The following EVL variants were observed in gnomAD, a reference collection of about 807,000 sequenced individuals.
The protein encoded by EVL is ena/VASP-like protein.
Under a neutral mutation model 59.6 loss-of-function variants are expected in EVL, and 21 were observed. That is an observed-to-expected ratio of 0.35 (90% confidence interval 0.25 to 0.51). The LOEUF (loss-of-function observed/expected upper bound fraction) is 0.51. Ranked by LOEUF, EVL falls within the 20% of genes least tolerant of loss-of-function variation. EVL has a pLI of 0.97. For synonymous variants in EVL, 198 were observed against 203.5 expected, an observed-to-expected ratio of 0.97 and a Z score of 0.23; for missense variants, 462 against 546.6, an observed-to-expected ratio of 0.85 and a Z score of 1.54.
At chr14:99,998,169 G>A (rs376728772) in intron 1 of EVL, among the ~76,000 whole-genome samples, 61 of 152,046 alleles carry the variant, frequency 4.0e-4, no homozygotes, top group African/African-American at 1.4e-3. Context: ...ACAGATCTGC[G>A]CCACTATGCC....
At chr14:100,119,387 C>G (rs981360664) in intron 3 of EVL, among the ~76,000 whole-genome samples, 3 of 152,222 alleles carry the variant, frequency 2.0e-5, no homozygotes, top group African/African-American at 7.2e-5. Context: ...AAGCTTGGGA[C>G]ACTGGGGCCA....
intron 2 of EVL, among the ~76,000 whole-genome samples, chr14:100,089,361 A>G (rs924895473): frequency 6.6e-6 from 1 of 152,238 alleles, no homozygotes; most frequent in African/African-American, 2.4e-5. Flanking sequence ...ACATTTACCA[A>G]AATAGACCAT....
chr14:99,979,509 CTCTGTG>C (rs2060792775), intron 1 of EVL, among the ~76,000 whole-genome samples: 2 of 151,774 alleles, frequency 1.3e-5, no homozygotes, highest in African/African-American at 2.4e-5. Flanking sequence ...GAAGTTGGCC[CTCTGTG>C]TCTGTCGATT....
intron 1 of EVL, among the ~76,000 whole-genome samples, chr14:100,007,509 C>T (rs2060990114): frequency 6.6e-6 from 1 of 152,212 alleles, no homozygotes; most frequent in Non-Finnish European, 1.5e-5. Context: ...ATCTGTGCTG[C>T]TCTCTTATCT....
At chr14:100,136,574 T>G (rs1341176511) in intron 9 of EVL, among the ~76,000 whole-genome samples, 1 of 152,062 alleles carries the variant, frequency 6.6e-6, no homozygotes, top group Non-Finnish European at 1.5e-5. Flanking sequence ...AGGCCTGTGC[T>G]CATGAGCACA....
At chr14:100,094,235 A>G (rs1885647923) in intron 2 of EVL, among the ~76,000 whole-genome samples, 1 of 152,176 alleles carries the variant, frequency 6.6e-6, no homozygotes. Flanking sequence ...CTGACTGTAA[A>G]AAGAGCGGAT....
chr14:100,042,531 C>T (rs1435074005), intron 1 of EVL, among the ~76,000 whole-genome samples: 1 of 152,206 alleles, frequency 6.6e-6, no homozygotes, highest in African/African-American at 2.4e-5. Context: ...TAAACTCCCC[C>T]ATCTCTGGGC....
At chr14:100,135,767 T>G (rs1368297168) in intron 8 of EVL, 138 bp from the exon 9 acceptor site, 1 of 780,784 alleles carries the variant, frequency 1.3e-6, no homozygotes, top group Non-Finnish European at 2.1e-6. Flanking sequence ...TTTAAATATT[T>G]AATGTTTTGC....
At chr14:100,057,533 G>A (rs1269489975) in intron 1 of EVL, among the ~76,000 whole-genome samples, 1 of 151,978 alleles carries the variant, frequency 6.6e-6, no homozygotes, top group African/African-American at 2.4e-5. Flanking sequence ...TGTTCTTCAT[G>A]TCTTCCCTCT....
chr14:100,018,082 C>T (rs1468363064), intron 1 of EVL, among the ~76,000 whole-genome samples: 1 of 152,236 alleles, frequency 6.6e-6, no homozygotes, highest in Admixed American at 6.5e-5. Flanking sequence ...CTATGTCAGG[C>T]ATTGGGAATA....
chr14:100,137,846 GCTC>G (rs1432935444), intron 11 of EVL, 44 bp downstream of exon 11: 1 of 1,587,624 alleles, frequency 6.3e-7, no homozygotes, highest in Admixed American at 1.7e-5. Context: ...AGGGTTTGGG[GCTC>G]CTCTGTCCCC....
At chr14:100,131,134 G>T (rs1888410642) in intron 7 of EVL, among the ~76,000 whole-genome samples, 1 of 152,224 alleles carries the variant, frequency 6.6e-6, no homozygotes, top group Non-Finnish European at 1.5e-5. Context: ...CTGGTGCAGG[G>T]CATCGGGTTC....
chr14:100,129,809 G>C (rs1257149423), intron 7 of EVL, 125 bp downstream of exon 7: 1 of 1,359,392 alleles, frequency 7.4e-7, no homozygotes, highest in Non-Finnish European at 9.7e-7. Flanking sequence ...AGCCAAGCAG[G>C]GGAAACTGTT....
chr14:100,027,861 G>C (rs1277144885), intron 1 of EVL, among the ~76,000 whole-genome samples: 1 of 152,056 alleles, frequency 6.6e-6, no homozygotes, highest in African/African-American at 2.4e-5. Flanking sequence ...TTTTAGTAGA[G>C]GCAGGGTTCC....
chr14:100,066,092 C>T (rs2061924806), intron 1 of EVL, among the ~76,000 whole-genome samples: 1 of 152,136 alleles, frequency 6.6e-6, no homozygotes, highest in African/African-American at 2.4e-5. Context: ...GGTGAGATTA[C>T]ATTTTGGACC....
chr14:100,109,598 C>T lies in EVL; in HGVS notation c.358+11940C>T, dbSNP rs917171300. Reference sequence around the variant, plus strand: ...GCCTGGCACTTCCTGCCATTGCATCCTTCTCTGCAGACTAAGATGGAGTTC... The same window carrying T: ...GCCTGGCACTTCCTGCCATTGCATCTTTCTCTGCAGACTAAGATGGAGTTC... On this transcript the variant is annotated intron_variant, in intron 3 of 13. Coordinates refer to ENST00000392920, the MANE Select transcript of EVL (RefSeq NM_016337.3). The surrounding 1 kb of genome is among the most constrained non-coding windows in gnomAD (Gnocchi z 4.3). The T allele has an allele frequency of 2.0e-6, 1 of 497,104 alleles. No individual in the cohort carries two copies. Among genetic ancestry groups the T allele is most frequent in the Non-Finnish European group, 4.2e-6 (1 of 238,832 alleles). The allele number at this position is 497,104 out of a possible 1,614,324, so 30.8% of individuals were successfully genotyped here.
At chr14:100,136,231 G>C (rs942537304) in intron 9 of EVL, among the ~76,000 whole-genome samples, 7 of 152,252 alleles carry the variant, frequency 4.6e-5, no homozygotes, top group Non-Finnish European at 1.0e-4. Context: ...CCTGAGTCCC[G>C]CACGAGAGAA....
intron 3 of EVL, among the ~76,000 whole-genome samples, chr14:100,110,100 C>T (rs866795162): frequency 3.9e-5 from 6 of 152,196 alleles, no homozygotes; most frequent in Admixed American, 6.5e-5. Flanking sequence ...CAATATCAGC[C>T]GTGCACAGTG....
At chr14:100,117,606 C>T (rs1226051642) in intron 3 of EVL, among the ~76,000 whole-genome samples, 3 of 152,188 alleles carry the variant, frequency 2.0e-5, no homozygotes, top group Non-Finnish European at 2.9e-5. Flanking sequence ...AGCTTTCTTA[C>T]GGGTAGAGTG....
Sources: gnomAD v4.1 joint callset for allele counts (sites outside exome capture counted in the v4.1 genomes callset) on GRCh38, gnomAD v4.1.1 for gene constraint, Gnocchi (gnomAD v3.1) non-coding constraint, MANE v1.5 for transcripts, NCBI Gene and HGNC (gene_info 2026-07-23, HGNC 2026-07-21) for gene names.